PRKG1: variants seen among roughly 807,000 people sequenced by gnomAD.
The protein encoded by PRKG1 is protein kinase cGMP-dependent 1.
In PRKG1, 35 loss-of-function variants were observed where a neutral mutation model predicts 88.1. The ratio of observed to expected loss-of-function variants is 0.40; its 90% CI spans 0.30 to 0.53. The LOEUF is 0.53. PRKG1 is among the 20% of genes least tolerant of loss of function. PRKG1 has a pLI of 0.59. For missense variants in PRKG1, 540 were observed against 839.8 expected, an observed-to-expected ratio of 0.64 and a Z score of 4.41; for synonymous variants, 303 against 292.5, an observed-to-expected ratio of 1.04 and a Z score of -0.37.
chr10:51,472,285 T>A (rs897448972), intron 3 of PRKG1, among the ~76,000 whole-genome samples: 5 of 151,994 alleles, frequency 3.3e-5, no homozygotes, highest in African/African-American at 9.6e-5. Flanking sequence ...GTCTTTACAT[T>A]CCCTTGCAGC....
chr10:51,117,254 G>A (rs1331235262), intron 1 of PRKG1, among the ~76,000 whole-genome samples: 2 of 152,074 alleles, frequency 1.3e-5, no homozygotes, highest in Non-Finnish European at 2.9e-5. Flanking sequence ...TTTTGCCATG[G>A]GTCCCATAAT....
At chr10:51,423,309 T>C (rs905945502) in intron 2 of PRKG1, among the ~76,000 whole-genome samples, 1 of 152,182 alleles carries the variant, frequency 6.6e-6, no homozygotes, top group Non-Finnish European at 1.5e-5. Context: ...AGAATATAAA[T>C]TCCATTCTTG....
intron 5 of PRKG1, among the ~76,000 whole-genome samples, chr10:52,000,318 GAC>G (rs1165196354): frequency 9.1e-5 from 11 of 121,198 alleles, no homozygotes; most frequent in Admixed American, 2.5e-4. Context: ...AAATGAGTGA[GAC>G]AGCAATATAT....
intron 2 of PRKG1, among the ~76,000 whole-genome samples, chr10:51,306,871 A>G (rs1564439611): frequency 6.6e-6 from 1 of 152,208 alleles, no homozygotes; most frequent in Admixed American, 6.5e-5. Context: ...CCATTTATCC[A>G]TTGAAGAAAC....
intron 3 of PRKG1, among the ~76,000 whole-genome samples, chr10:51,620,412 C>T (rs1377314842): frequency 6.6e-6 from 1 of 151,984 alleles, no homozygotes; most frequent in Non-Finnish European, 1.5e-5. Context: ...CTTCCTTATG[C>T]TTGACTTAGA....
chr10:52,129,322 T>C (rs1174820372), intron 7 of PRKG1, among the ~76,000 whole-genome samples: 1 of 152,220 alleles, frequency 6.6e-6, no homozygotes, highest in Non-Finnish European at 1.5e-5. Flanking sequence ...TGCTTTACCA[T>C]GGTCCTTGGA....
intron 5 of PRKG1, among the ~76,000 whole-genome samples, chr10:51,956,940 A>ATT (rs398114330): frequency 1.3e-5 from 2 of 148,536 alleles, no homozygotes; most frequent in African/African-American, 2.5e-5. Flanking sequence ...TGTGGGACAA[A>ATT]TTTTCTTTCT....
chr10:51,780,109 C>T (rs760352464), intron 3 of PRKG1, among the ~76,000 whole-genome samples: 5 of 152,030 alleles, frequency 3.3e-5, no homozygotes, highest in African/African-American at 4.8e-5. Flanking sequence ...AAACTTACCG[C>T]GTAATCTGAT....
chr10:51,458,089 G>T lies in PRKG1; in HGVS notation c.479-9634G>T, dbSNP rs1232695296. 2.6e-5 allele frequency among the ~76,000 whole-genome samples: 4 copies of T among 152,144 alleles called. No individual in the cohort carries two copies. In the East Asian group the frequency reaches 7.7e-4, roughly 29 times the overall value. ...TTCTTTGTTTTAAAACAATGTGCAG[G>T]TAGATAAGTGCTTGTTGTACACTCT... On this transcript the variant is annotated intron_variant, in intron 2 of 17. Coordinates refer to ENST00000373980, the MANE Select transcript of PRKG1 (RefSeq NM_006258.4).
intron 4 of PRKG1, among the ~76,000 whole-genome samples, chr10:51,883,981 T>C (rs1483825976): frequency 6.9e-6 from 1 of 145,832 alleles, no homozygotes; most frequent in African/African-American, 2.5e-5. Context: ...AGTGGTTTTC[T>C]ATGAAAATGA....
chr10:52,278,470 C>T (rs891074305), intron 12 of PRKG1, among the ~76,000 whole-genome samples: 1 of 152,108 alleles, frequency 6.6e-6, no homozygotes, highest in Admixed American at 6.6e-5. Context: ...GGTATATACC[C>T]AAAGATTATA....
At chr10:51,957,886 C>T (rs1843352042) in intron 5 of PRKG1, among the ~76,000 whole-genome samples, 2 of 152,002 alleles carry the variant, frequency 1.3e-5, no homozygotes, top group African/African-American at 2.4e-5. Context: ...ATCTGAAGTC[C>T]GAAACAAAGG....
chr10:51,438,123 T>C (rs1050121500), intron 2 of PRKG1, among the ~76,000 whole-genome samples: 6 of 151,780 alleles, frequency 4.0e-5, no homozygotes, highest in African/African-American at 1.5e-4. Context: ...TGCATATGCA[T>C]TAATGTTTGG....
intron 2 of PRKG1, among the ~76,000 whole-genome samples, chr10:51,257,959 C>A (rs990449311): frequency 3.3e-5 from 5 of 152,012 alleles, no homozygotes; most frequent in African/African-American, 1.2e-4. Context: ...AATATATGTC[C>A]CCTATTGGAA....
At chr10:51,473,501 G>T (rs753610130) in intron 3 of PRKG1, among the ~76,000 whole-genome samples, 1 of 151,754 alleles carries the variant, frequency 6.6e-6, no homozygotes, top group Non-Finnish European at 1.5e-5. Flanking sequence ...TATTGACCAG[G>T]CCTGGTAGAT....
At chr10:51,174,121 A>C (rs1055951818) in intron 2 of PRKG1, among the ~76,000 whole-genome samples, 4 of 151,908 alleles carry the variant, frequency 2.6e-5, no homozygotes, top group African/African-American at 9.7e-5. Context: ...GGTAACGGAT[A>C]TATTAATTAA....
At chr10:52,052,006 C>G (rs1385240357) in intron 5 of PRKG1, among the ~76,000 whole-genome samples, 1 of 152,176 alleles carries the variant, frequency 6.6e-6, no homozygotes, top group Non-Finnish European at 1.5e-5. Context: ...AAAGCTACAA[C>G]TGTAACTCTG....
chr10:51,989,572 G>T (rs1325575306), intron 5 of PRKG1, among the ~76,000 whole-genome samples: 1 of 146,312 alleles, frequency 6.8e-6, no homozygotes, highest in Non-Finnish European at 1.5e-5. Context: ...TGGCTATCAA[G>T]TCTATAGAAG....
chr10:51,887,968 C>T (rs1841615279), intron 4 of PRKG1, among the ~76,000 whole-genome samples: 1 of 152,030 alleles, frequency 6.6e-6, no homozygotes, highest in African/African-American at 2.4e-5. Context: ...CAACATAGTA[C>T]CTACAGTTAA....
Sources: gnomAD v4.1 joint callset for allele counts (sites outside exome capture counted in the v4.1 genomes callset) on GRCh38, gnomAD v4.1.1 for gene constraint, MANE v1.5 for transcripts, NCBI Gene and HGNC (gene_info 2026-07-23, HGNC 2026-07-21) for gene names.